Variants in SCYL2 observed in about 807,000 individuals in gnomAD.
SCYL2 encodes SCY1-like protein 2.
A neutral mutation model predicts 100.4 loss-of-function variants in SCYL2; 36 were observed. The observed-to-expected ratio is 0.36, with a 90% confidence interval of 0.27 to 0.47. SCYL2 has a LOEUF of 0.47. SCYL2 is among the 20% of genes least tolerant of loss of function. The pLI is 1.00. For missense variants in SCYL2, 902 were observed against 1,083.9 expected (o/e 0.83, Z 2.36); for synonymous variants, 330 against 359.2 (o/e 0.92, Z 0.92).
intron 17 of SCYL2, 142 bp from the exon 18 acceptor site, chr12:100,338,386 G>A (rs1416876879): frequency 1.6e-5 from 9 of 579,020 alleles, no homozygotes; most frequent in South Asian, 1.1e-4. Context: ...GTATTTGACC[G>A]GCAGGCTATA....
chr12:100,310,636 A>G (rs957354581), intron 4 of SCYL2, among the ~76,000 whole-genome samples: 4 of 152,220 alleles, frequency 2.6e-5, no homozygotes, highest in Non-Finnish European at 2.9e-5. Context: ...GTATAATGCT[A>G]TTCAGGAAAA....
chr12:100,279,400 G>A (rs1427310896), intron 1 of SCYL2, among the ~76,000 whole-genome samples: 6 of 152,238 alleles, frequency 3.9e-5, no homozygotes, highest in Admixed American at 6.5e-5. Context: ...CTAATAGGCC[G>A]TGGACTGGTA....
chr12:100,334,328 T>A, intron 14 of SCYL2, 62 bp downstream of exon 14: 1 of 962,694 alleles, frequency 1.0e-6, no homozygotes, highest in Non-Finnish European at 1.6e-6. Flanking sequence ...GTCTTATGAT[T>A]GATTTTCTGG....
At chr12:100,325,555 T>G (rs144361623) in intron 11 of SCYL2, among the ~76,000 whole-genome samples, 1,937 of 152,274 alleles carry the variant, frequency 0.013, 99 homozygotes, top group Admixed American at 0.093. Flanking sequence ...TCTAAAAGTT[T>G]AAAATTCTGA....
chr12:100,281,019 G>GTTTTTTTTT lies in SCYL2; in HGVS notation c.-28-1903_-28-1895dup, dbSNP rs202048587. ...ATTTTATTGTCCCTTTACCATCAGT[G>GTTTTTTTTT]TTTTTTTTTTTTTTTTTTTTTTTTT... On this transcript the variant is annotated intron_variant, in intron 1 of 17. Coordinates refer to ENST00000360820, the MANE Select transcript of SCYL2 (RefSeq NM_017988.6). Among the ~76,000 whole-genome samples the GTTTTTTTTT allele has an allele frequency of 2.0e-4, 10 of 50,492 alleles. 2 individuals are homozygous for GTTTTTTTTT. The highest frequency in any genetic ancestry group is 2.8e-4 in the African/African-American group (4 of 14,522). 33.1% of individuals were successfully genotyped at this position (50,492 alleles called of 152,430 possible). A position where few individuals can be genotyped will look rare whatever the true frequency, so the allele number is the denominator to read the frequency against.
chr12:100,337,268 A>C (rs987268870), intron 16 of SCYL2, 119 bp from the exon 17 acceptor site: 1 of 1,243,688 alleles, frequency 8.0e-7, no homozygotes, highest in East Asian at 2.4e-5. Context: ...TCACCAAGAC[A>C]AGAGTAGTTT....
At chr12:100,304,672 G>A (rs1478147338) in intron 4 of SCYL2, among the ~76,000 whole-genome samples, 5 of 152,140 alleles carry the variant, frequency 3.3e-5, no homozygotes, top group East Asian at 1.9e-4. Context: ...AAATGTAAAC[G>A]GGCTAAATGC....
chr12:100,274,573 T>C (rs1028376124), intron 1 of SCYL2, among the ~76,000 whole-genome samples: 1 of 152,202 alleles, frequency 6.6e-6, no homozygotes, highest in African/African-American at 2.4e-5. Flanking sequence ...TGTGCTTTAC[T>C]CTTAAGTGGC....
In SCYL2 at chr12:100,283,074, G is replaced by T. The variant is rs2096300589; in HGVS notation, c.104G>T (p.Gly35Val). ...GNPVTREFDV[G>V]RHIASGGNGL... is the part of the protein sequence containing the mutation. ...CCTGTCACTAGAGAATTTGATGTTG[G>T]TCGACACATTGCCAGTGGTGGCAAT... is the stretch of plus-strand genomic sequence containing the variant. The change falls in exon 2 of 18, where the codon GGT (glycine) becomes GTT (valine). Residue 35 changes from glycine to valine, a missense_variant. By Grantham distance (109) the Gly-to-Val change is moderately radical. Transcript: ENST00000360820. 2 of 1,613,204 alleles carry T rather than the reference G, an allele frequency of 1.2e-6. No homozygotes were observed. The highest frequency in any genetic ancestry group is 1.7e-6 in the Non-Finnish European group (2 of 1,179,726).
intron 2 of SCYL2, among the ~76,000 whole-genome samples, chr12:100,284,104 G>C (rs916168290): frequency 6.6e-6 from 1 of 152,172 alleles, no homozygotes; most frequent in Non-Finnish European, 1.5e-5. Flanking sequence ...TTTACAATCA[G>C]TTATATAAGG....
intron 10 of SCYL2, among the ~76,000 whole-genome samples, chr12:100,322,212 A>C (rs2135919378): frequency 6.6e-6 from 1 of 150,888 alleles, no homozygotes; most frequent in East Asian, 2.0e-4. Context: ...CTCTACTAAA[A>C]AATACAAAAA....
chr12:100,341,084 A>C lies in SCYL2; in HGVS notation c.*1912A>C, dbSNP rs1952347374. On this transcript the variant is annotated 3_prime_UTR_variant, in exon 18 of 18. Transcript: ENST00000360820. Reference sequence around the variant, plus strand: ...AGAACTTGAACTACTAAATATGAAAATAAGTCATTTGAAAAAAATACAGTA... The same window carrying C: ...AGAACTTGAACTACTAAATATGAAACTAAGTCATTTGAAAAAAATACAGTA... 1 of 152,110 alleles carries C rather than the reference A, an allele frequency of 6.6e-6. No homozygotes were observed. The highest frequency in any genetic ancestry group is 1.5e-5 in the Non-Finnish European group (1 of 67,940). The allele number at this position is 152,110 out of a possible 1,614,324, so 9.4% of individuals were successfully genotyped here.
chr12:100,304,039 C>T (rs182687197), intron 4 of SCYL2, among the ~76,000 whole-genome samples: 97 of 152,232 alleles, frequency 6.4e-4, no homozygotes, highest in Admixed American at 3.1e-3. Context: ...AACTTCTACG[C>T]GGCTTTGTTT....
intron 13 of SCYL2, among the ~76,000 whole-genome samples, chr12:100,332,268 T>C (rs776895935): frequency 6.6e-6 from 1 of 152,206 alleles, no homozygotes; most frequent in Non-Finnish European, 1.5e-5. Context: ...GCCTGGCATG[T>C]ACTCAAATTC....
intron 1 of SCYL2, among the ~76,000 whole-genome samples, chr12:100,281,019 GTTTTT>G (rs202048587): frequency 4.0e-5 from 2 of 50,466 alleles, no homozygotes; most frequent in African/African-American, 6.9e-5. Flanking sequence ...TACCATCAGT[GTTTTT>G]TTTTTTTTTT....
chr12:100,294,109 G>A (rs1474936105), intron 3 of SCYL2, among the ~76,000 whole-genome samples: 31 of 140,184 alleles, frequency 2.2e-4, no homozygotes, highest in African/African-American at 7.8e-4. Context: ...GGGCGGCCGG[G>A]CAGAGGCGCC....
At position 100,323,593 on chromosome 12, in the gene SCYL2, G is replaced by C. The variant is rs752115222; in HGVS notation, c.1464G>C (p.Leu488Phe). The part of the protein sequence containing the change: ...LIDYPSMKNA[L>F]IPRIKNACLQ... ...ACTACCCATCCATGAAAAACGCTTT[G>C]ATACCAAGAATTAAAAATGCTTGTC... The change falls in exon 11 of 18, where the codon TTG (leucine) becomes TTC (phenylalanine). Residue 488 changes from leucine (L) to phenylalanine (F), a missense_variant. Coordinates refer to ENST00000360820, the MANE Select transcript of SCYL2 (RefSeq NM_017988.6). The C allele has an allele frequency of 1.9e-6, 3 of 1,604,844 alleles. No homozygotes were observed. Among genetic ancestry groups the C allele is most frequent in the Non-Finnish European group, 2.6e-6 (3 of 1,175,272 alleles).
intron 10 of SCYL2, chr12:100,319,280 G>A (rs1372737090): frequency 1.6e-4 from 75 of 455,724 alleles, no homozygotes; most frequent in Non-Finnish European, 8.8e-6. Flanking sequence ...ATGGATGAGT[G>A]GGGAAGGTGT....
chr12:100,316,779 A>T (rs1449099653), intron 9 of SCYL2, among the ~76,000 whole-genome samples: 3 of 152,198 alleles, frequency 2.0e-5, no homozygotes, highest in Non-Finnish European at 4.4e-5. Context: ...ATTTGCCTCC[A>T]TTCTTTTTTC....
Sources: allele counts gnomAD v4.1 joint callset (sites outside exome capture counted in the v4.1 genomes callset), GRCh38; gene constraint gnomAD v4.1.1; transcripts MANE v1.5; gene names NCBI Gene and HGNC (gene_info 2026-07-23, HGNC 2026-07-21).